Variants in ABCG5 observed in about 807,000 individuals in gnomAD.
The protein encoded by ABCG5 is ATP binding cassette subfamily G member 5.
Under a neutral mutation model 64.5 loss-of-function variants are expected in ABCG5, and 64 were observed. The ratio of observed to expected loss-of-function variants is 0.99; its 90% CI spans 0.81 to 1.22. ABCG5 has a LOEUF of 1.22. Ranked by LOEUF, ABCG5 falls within the 50% of genes most tolerant of loss-of-function variation. ABCG5 has a pLI of 0.00. For synonymous variants in ABCG5, 385 were observed against 326.3 expected, an observed-to-expected ratio of 1.18 and a Z score of -1.94; for missense variants, 908 against 829.5, an observed-to-expected ratio of 1.09 and a Z score of -1.16.
At chr2:43,826,176 T>C (rs955207653) in intron 6 of ABCG5, among the ~76,000 whole-genome samples, 2 of 151,622 alleles carry the variant, frequency 1.3e-5, no homozygotes, top group African/African-American at 4.8e-5. Context: ...CTTTTTTTTT[T>C]TTTTAGAGAT....
intron 6 of ABCG5, among the ~76,000 whole-genome samples, chr2:43,825,507 A>T (rs185244293): frequency 6.6e-6 from 1 of 152,312 alleles, no homozygotes; most frequent in Non-Finnish European, 1.5e-5. Flanking sequence ...TCGTGGAAAA[A>T]CACAGCCTTT....
At chr2:43,837,988 C>A (rs1668389865) in intron 1 of ABCG5, 33 bp from the exon 2 acceptor site, 11 of 1,613,056 alleles carry the variant, frequency 6.8e-6, no homozygotes, top group Non-Finnish European at 9.3e-6. Flanking sequence ...GCAAAGGCAG[C>A]TTGGGGCCCT....
downstream of ABCG5, among the ~76,000 whole-genome samples, chr2:43,808,035 A>C (rs1304246940): frequency 6.6e-6 from 1 of 152,198 alleles, no homozygotes; most frequent in Non-Finnish European, 1.5e-5. Context: ...AGAATCTCAA[A>C]ACAACATTTT....
intron 2 of ABCG5, among the ~76,000 whole-genome samples, chr2:43,834,181 T>C (rs1668119436): frequency 1.3e-5 from 2 of 152,176 alleles, no homozygotes; most frequent in African/African-American, 4.8e-5. Flanking sequence ...TTCATTGGGA[T>C]TGTCTTTCAA....
chr2:43,839,083 G>A (rs1668463414), upstream of ABCG5: 1 of 1,551,106 alleles, frequency 6.4e-7, no homozygotes, highest in Non-Finnish European at 8.7e-7. Flanking sequence ...AGGAGAGAGG[G>A]CTGCCGAAAG....
At chr2:43,823,062 T>G in intron 9 of ABCG5, 127 bp from the exon 10 acceptor site, 8 of 1,308,514 alleles carry the variant, frequency 6.1e-6, no homozygotes, top group Non-Finnish European at 8.6e-6. Flanking sequence ...GGTTCCCTAG[T>G]CATAGAAGGA....
In ABCG5 at chr2:43,823,942, T is replaced by A; in HGVS notation, c.1295A>T (p.Tyr432Phe). The A allele has an allele frequency of 1.9e-6, 3 of 1,614,150 alleles. No individual in the cohort carries two copies. Among genetic ancestry groups the A allele is most frequent in the Non-Finnish European group, 2.5e-6 (3 of 1,180,014 alleles). ...LLYQFVGATPYTGMLNAVNLF... is the reference protein window; with the variant it reads ...LLYQFVGATPFTGMLNAVNLF... ...ATTCACAGCGTTCAGCATGCCTGTG[T>A]ACGGGGTGGCGCCCACAAACTGGTA... Residue 432 changes from tyrosine (Y) to phenylalanine (F), a missense_variant, in exon 9 of 13, where the codon TAC becomes TTC. Physicochemically the swap from Tyr to Phe is conservative, Grantham distance 22 (BLOSUM62 3). Coordinates refer to ENST00000405322, the MANE Select transcript of ABCG5 (RefSeq NM_022436.3).
Position 43,832,048 on chromosome 2 carries a change from C to T in ABCG5, c.301G>A (p.Gly101Arg). Residue 101 changes from glycine (G) to arginine (R), a missense_variant, in exon 3 of 13, where the codon GGG (glycine) becomes AGG (arginine). By Grantham distance (125) the Gly-to-Arg change is moderately radical (BLOSUM62 -2). Coordinates refer to ENST00000405322, the MANE Select transcript of ABCG5 (RefSeq NM_022436.3). Reference sequence around the variant, plus strand: ...AAGGTCCCCGCGCGCCCCAGCCTCCCGGACATGGCGTCCAGCAGCGTGGTT... The same window carrying T: ...AAGGTCCCCGCGCGCCCCAGCCTCCTGGACATGGCGTCCAGCAGCGTGGTT... Reference protein sequence around the residue: ...GKTTLLDAMSGRLGRAGTFLG... With the variant: ...GKTTLLDAMSRRLGRAGTFLG... The T allele has an allele frequency of 1.9e-6, 3 of 1,580,710 alleles. No individual in the cohort carries two copies. The highest frequency in any genetic ancestry group is 2.6e-6 in the Non-Finnish European group (3 of 1,163,994).
At chr2:43,831,727 A>G in intron 4 of ABCG5, 42 bp downstream of exon 4, 1 of 1,529,010 alleles carries the variant, frequency 6.5e-7, no homozygotes. Flanking sequence ...GGGGGTGCAA[A>G]GGTACTCAGT....
At position 43,838,135 on chromosome 2, in the gene ABCG5, G is replaced by A; in HGVS notation, c.144-180C>T. ...TGGCAGATAGCGACTGAGGCTGTCT[G>A]CCACGTAGGGAGGGGGCCTGTGCTG... On this transcript the variant is annotated intron_variant, in intron 1 of 12. Transcript: ENST00000405322. This position sits in a 1 kb window ranked among gnomAD's most constrained non-coding sequence, Gnocchi z 4.2. 1.3e-6 allele frequency: 1 copy of A among 770,974 alleles called. No individual in the cohort carries two copies. Among genetic ancestry groups the A allele is most frequent in the Admixed American group, 2.5e-5 (1 of 40,734 alleles). 47.8% of individuals were successfully genotyped at this position (770,974 alleles called of 1,614,324 possible).
At chr2:43,827,325 CAAAA>C (rs1174987300) in intron 5 of ABCG5, among the ~76,000 whole-genome samples, 1 of 112,232 alleles carries the variant, frequency 8.9e-6, no homozygotes. Context: ...AACTCTGTCT[CAAAA>C]AAAAAAAAAA....
At chr2:43,822,483 C>CG (rs1667286694) in intron 10 of ABCG5, 13 of 906,682 alleles carry the variant, frequency 1.4e-5, no homozygotes, top group Non-Finnish European at 1.7e-5. Flanking sequence ...CCCAGGCCCC[C>CG]CCCCATGCAC....
intron 9 of ABCG5, 129 bp downstream of exon 9, chr2:43,823,784 G>A: frequency 9.3e-7 from 1 of 1,073,844 alleles, no homozygotes; most frequent in Non-Finnish European, 1.3e-6. Context: ...TCCCCAGAGA[G>A]GGAACCTGGA....
downstream of ABCG5, chr2:43,810,602 G>A (rs1001268404): frequency 1.2e-6 from 1 of 841,012 alleles, no homozygotes; most frequent in Non-Finnish European, 1.4e-6. Context: ...TTGACTCCCA[G>A]CTTCAGATAA....
rs1370119186 is a variant in ABCG5 at position 43,824,223 on chromosome 2, G to C, written c.1114C>G (p.Leu372Val). 5.0e-6 allele frequency: 8 copies of C among 1,614,206 alleles called. No homozygotes were observed. The highest frequency in any genetic ancestry group is 6.8e-6 in the Non-Finnish European group (8 of 1,180,046). Residue 372 changes from leucine (L) to valine (V), a missense_variant, in exon 8 of 13, where the codon CTG becomes GTG. Transcript: ENST00000405322. ...TCACATTTGTGAGCCTCTTACCTCA[G>C]GAGAACACCCAGTTTAGAGAAAACT... ...PGVFSKLGVL[L>V]RRVTRNLVRN...
At chr2:43,839,225 G>C, upstream of ABCG5, 2 of 1,211,958 alleles carry the variant, frequency 1.7e-6, no homozygotes, top group African/African-American at 3.0e-5. Context: ...CGGACATCAA[G>C]CAGTGTGAGG....
At chr2:43,814,906 T>C (rs1009413033) in intron 11 of ABCG5, among the ~76,000 whole-genome samples, 3 of 152,240 alleles carry the variant, frequency 2.0e-5, no homozygotes, top group African/African-American at 4.8e-5. Flanking sequence ...GTCTCAGACA[T>C]CCTTCCAAGT....
rs1177663147 is a variant in ABCG5 at position 43,838,304 on chromosome 2, T to C, written c.143+233A>G. 1.7e-6 allele frequency: 1 copy of C among 605,830 alleles called. No homozygotes were observed. The highest frequency in any genetic ancestry group is 2.9e-6 in the Non-Finnish European group (1 of 344,114). 37.5% of individuals were successfully genotyped at this position (605,830 alleles called of 1,614,324 possible). A position where few individuals can be genotyped will look rare whatever the true frequency, so the allele number is the denominator to read the frequency against. ...CGTAGACACTGGGTTGGCAGGGCAC[T>C]GCTGCCACTTTGTTTATGCCCAGGC... is the stretch of plus-strand genomic sequence containing the variant. On this transcript the variant is annotated intron_variant, in intron 1 of 12. Transcript: ENST00000405322. This position sits in a 1 kb window ranked among gnomAD's most constrained non-coding sequence, Gnocchi z 4.2.
chr2:43,832,498 G>T, intron 2 of ABCG5: 1 of 258,926 alleles, frequency 3.9e-6, no homozygotes, highest in Non-Finnish European at 7.6e-6. Context: ...CCCCTGGGGT[G>T]GTCTGGTTGT....
Sources: allele counts gnomAD v4.1 joint callset (sites outside exome capture counted in the v4.1 genomes callset), GRCh38; gene constraint gnomAD v4.1.1; non-coding constraint Gnocchi (gnomAD v3.1); transcripts MANE v1.5; gene names NCBI Gene and HGNC (gene_info 2026-07-23, HGNC 2026-07-21).